The following SYN3 variants were observed in gnomAD, a reference collection of about 807,000 sequenced individuals.
The protein encoded by SYN3 is synapsin-3.
SYN3 carries 35 observed loss-of-function variants against 65.8 expected under a neutral mutation model. The observed-to-expected ratio is 0.53, with a 90% confidence interval of 0.41 to 0.70. The LOEUF (loss-of-function observed/expected upper bound fraction) is 0.70. Among genes scored for constraint, SYN3 ranks in the 30% least tolerant of loss-of-function variants. SYN3 has a pLI of 0.00. For synonymous variants in SYN3, 270 were observed against 292.9 expected (o/e 0.92, Z 0.80); for missense variants, 680 against 749.0 (o/e 0.91, Z 1.08).
chr22:32,776,861 A>G (rs572269929), intron 6 of SYN3, among the ~76,000 whole-genome samples: 1 of 152,290 alleles, frequency 6.6e-6, no homozygotes, highest in East Asian at 1.9e-4. Context: ...GTCATCACTG[A>G]GATAGGTGGG....
At position 32,793,993 on chromosome 22, in the gene SYN3, A is replaced by G. The variant is rs558986675; in HGVS notation, c.711+70922T>C. 2.6e-5 allele frequency among the ~76,000 whole-genome samples: 4 copies of G among 152,358 alleles called. No homozygotes were observed. In the South Asian group the frequency reaches 8.3e-4, roughly 32 times the overall value. ...CCAAGTGCAAAGAAAGTGTTGGGGA[A>G]GAGAAGGATGGAGTGGCCAGCCTGG... On this transcript the variant is annotated intron_variant, in intron 6 of 13. Coordinates refer to ENST00000358763, the MANE Select transcript of SYN3 (RefSeq NM_003490.4).
intron 4 of SYN3, among the ~76,000 whole-genome samples, chr22:32,887,186 G>A (rs1305448905): frequency 6.6e-6 from 1 of 152,046 alleles, no homozygotes; most frequent in African/African-American, 2.4e-5. Context: ...AGACCAGCCT[G>A]GGCAACATAG....
At chr22:32,606,965 C>T (rs1278234230) in intron 6 of SYN3, among the ~76,000 whole-genome samples, 3 of 151,838 alleles carry the variant, frequency 2.0e-5, no homozygotes, top group East Asian at 1.9e-4. Context: ...CCCATTAACT[C>T]GTCATTTAAC....
At chr22:32,690,638 G>A (rs2060650253) in intron 6 of SYN3, among the ~76,000 whole-genome samples, 1 of 152,166 alleles carries the variant, frequency 6.6e-6, no homozygotes, top group Non-Finnish European at 1.5e-5. Context: ...TCAGGCAGGC[G>A]ATATCAGGAG....
At chr22:33,037,027 C>G (rs1385149902) in intron 1 of SYN3, among the ~76,000 whole-genome samples, 2 of 152,160 alleles carry the variant, frequency 1.3e-5, no homozygotes, top group African/African-American at 4.8e-5. Flanking sequence ...AGTTACTGAA[C>G]TCCCAGCGCT....
intron 3 of SYN3, among the ~76,000 whole-genome samples, chr22:32,966,741 CCT>C (rs1032695249): frequency 6.6e-6 from 1 of 151,958 alleles, no homozygotes; most frequent in Non-Finnish European, 1.5e-5. Context: ...ACAGTGAGAC[CCT>C]GTCTCTACAA....
intron 3 of SYN3, among the ~76,000 whole-genome samples, chr22:32,962,197 G>A (rs931814954): frequency 4.1e-5 from 6 of 144,852 alleles, no homozygotes; most frequent in Non-Finnish European, 7.4e-5. Context: ...GTGCAGTGGC[G>A]TGATCTTGGC....
At chr22:32,636,380 C>T (rs1010312715) in intron 6 of SYN3, among the ~76,000 whole-genome samples, 2 of 139,422 alleles carry the variant, frequency 1.4e-5, no homozygotes, top group South Asian at 2.3e-4. Flanking sequence ...CCAGCCGGGA[C>T]GACAAAGCGA....
At chr22:32,889,472 C>G (rs2049383132) in intron 4 of SYN3, among the ~76,000 whole-genome samples, 1 of 151,274 alleles carries the variant, frequency 6.6e-6, no homozygotes, top group South Asian at 2.1e-4. Context: ...ATAAATGTGA[C>G]ATGTGCTTAT....
Position 32,725,169 on chromosome 22 carries a change from C to T in SYN3, c.712-128433G>A, listed in dbSNP as rs544593293. Among the ~76,000 whole-genome samples, 4 of 152,252 alleles carry T rather than the reference C, an allele frequency of 2.6e-5. No individual in the cohort carries two copies. In the East Asian group the frequency reaches 7.7e-4, roughly 29 times the overall value. On this transcript the variant is annotated intron_variant, in intron 6 of 13. Transcript: ENST00000358763. ...CACAACACAACGCAACACAACACAC[C>T]TCTTCTGTGCAGAGATGAGAACCCA...
At chr22:32,964,435 A>G (rs923601362) in intron 3 of SYN3, among the ~76,000 whole-genome samples, 4 of 151,448 alleles carry the variant, frequency 2.6e-5, no homozygotes, top group Middle Eastern at 3.4e-3. Flanking sequence ...AAAAAAAAAA[A>G]AAAGAAAGGT....
intron 6 of SYN3, among the ~76,000 whole-genome samples, chr22:32,620,640 G>A (rs541363619): frequency 1.8e-4 from 28 of 152,110 alleles, no homozygotes; most frequent in African/African-American, 5.8e-4. Context: ...AAGAGAACCC[G>A]GAAGCCTGCA....
In SYN3 at chr22:32,512,395, C is replaced by T. The variant is rs1202992790; in HGVS notation, c.*1297G>A. On this transcript the variant is annotated 3_prime_UTR_variant, in exon 14 of 14. Coordinates refer to ENST00000358763, the MANE Select transcript of SYN3 (RefSeq NM_003490.4). ...TGGGACCAGGAGGCTGCTTCTGGCA[C>T]CTACAATGTTTCCAGCACCAGGTGC... Among the ~76,000 whole-genome samples the T allele has an allele frequency of 6.6e-6, 1 of 152,162 alleles. No homozygotes were observed. Among genetic ancestry groups the T allele is most frequent in the East Asian group, 1.9e-4 (1 of 5,194 alleles).
intron 4 of SYN3, among the ~76,000 whole-genome samples, chr22:32,869,669 C>T (rs1300974063): frequency 1.4e-5 from 2 of 140,416 alleles, no homozygotes; most frequent in East Asian, 4.6e-4. Context: ...CTGCAGATCT[C>T]AAATCAACCA....
chr22:32,922,953 G>T (rs2050373085), intron 4 of SYN3, among the ~76,000 whole-genome samples: 1 of 152,154 alleles, frequency 6.6e-6, no homozygotes, highest in African/African-American at 2.4e-5. Context: ...ATTAGTCAGG[G>T]TTCTCCAGAG....
chr22:33,002,272 G>A (rs1160281398), intron 2 of SYN3, among the ~76,000 whole-genome samples: 1 of 152,192 alleles, frequency 6.6e-6, no homozygotes, highest in Non-Finnish European at 1.5e-5. Flanking sequence ...TTCTGAGCAG[G>A]AAGCAGTAAA....
intron 6 of SYN3, among the ~76,000 whole-genome samples, chr22:32,671,816 GAC>G (rs1405078184): frequency 1.2e-3 from 140 of 114,998 alleles, no homozygotes; most frequent in African/African-American, 4.4e-3. Context: ...CACACGCTGT[GAC>G]ACAGGTGCAC....
chr22:32,579,853 T>A (rs964207851), intron 7 of SYN3, among the ~76,000 whole-genome samples: 1 of 152,254 alleles, frequency 6.6e-6, no homozygotes, highest in African/African-American at 2.4e-5. Flanking sequence ...CCTTAATAAA[T>A]GAAAACTCCT....
intron 2 of SYN3, among the ~76,000 whole-genome samples, chr22:33,004,199 C>T (rs2053139893): frequency 1.3e-5 from 2 of 152,224 alleles, no homozygotes; most frequent in South Asian, 2.1e-4. Flanking sequence ...TTGGAGCCCC[C>T]ACACAGAGTC....
Sources: allele counts gnomAD v4.1 joint callset (sites outside exome capture counted in the v4.1 genomes callset), GRCh38; gene constraint gnomAD v4.1.1; transcripts MANE v1.5; gene names NCBI Gene and HGNC (gene_info 2026-07-23, HGNC 2026-07-21).